Variants in FOCAD observed in about 807,000 individuals in gnomAD.
FOCAD encodes the protein KIAA1797.
FOCAD carries 198 observed loss-of-function variants against 225.6 expected under a neutral mutation model. That is an observed-to-expected ratio of 0.88 (90% CI 0.78 to 0.99). The LOEUF (loss-of-function observed/expected upper bound fraction) is 0.99, where lower values mean the gene tolerates loss of function less well. Among genes scored for constraint, FOCAD ranks in the 50% least tolerant of loss-of-function variants. The pLI is 0.00. For missense variants in FOCAD, 2,713 were observed against 2,123.6 expected, an observed-to-expected ratio of 1.28 and a Z score of -5.46; for synonymous variants, 897 against 755.0, an observed-to-expected ratio of 1.19 and a Z score of -3.08.
intron 11 of FOCAD, among the ~76,000 whole-genome samples, chr9:20,790,882 C>G (rs1414648204): frequency 6.6e-6 from 1 of 152,206 alleles, no homozygotes; most frequent in Non-Finnish European, 1.5e-5. Flanking sequence ...TGATATCTCA[C>G]AAAGAGTTTT....
chr9:20,854,484 C>T (rs1432471484), intron 15 of FOCAD, among the ~76,000 whole-genome samples: 1 of 151,698 alleles, frequency 6.6e-6, no homozygotes, highest in African/African-American at 2.4e-5. Context: ...TCACCATAGT[C>T]ACACAGCTAC....
chr9:20,659,424 G>GAA (rs1821640398), intron 2 of FOCAD, among the ~76,000 whole-genome samples: 12 of 140,354 alleles, frequency 8.5e-5, no homozygotes, highest in African/African-American at 1.9e-4. Context: ...AGAAAGAAAG[G>GAA]AGAAAGAAAG....
At chr9:20,932,961 G>T in intron 27 of FOCAD, 53 bp from the exon 28 acceptor site, 1 of 1,246,824 alleles carries the variant, frequency 8.0e-7, no homozygotes, top group Non-Finnish European at 1.2e-6. Flanking sequence ...TCAGTATTTT[G>T]GATAGTTGAC....
At chr9:20,802,486 A>C (rs1344038435) in intron 11 of FOCAD, among the ~76,000 whole-genome samples, 2 of 152,158 alleles carry the variant, frequency 1.3e-5, no homozygotes, top group Non-Finnish European at 2.9e-5. Flanking sequence ...GGAATTTCTC[A>C]AGGGAAACCA....
chr9:20,801,019 G>C (rs931409300), intron 11 of FOCAD, among the ~76,000 whole-genome samples: 3 of 152,180 alleles, frequency 2.0e-5, no homozygotes, highest in South Asian at 4.2e-4. Context: ...AGTACAGATG[G>C]GGTTTTGGTG....
At chr9:20,655,847 T>TA (rs1013450624), upstream of FOCAD, among the ~76,000 whole-genome samples, 29 of 152,184 alleles carry the variant, frequency 1.9e-4, no homozygotes, top group African/African-American at 6.7e-4. Context: ...CTTGCCTTTC[T>TA]AGTTCTTTTA....
intron 38 of FOCAD, among the ~76,000 whole-genome samples, 153 bp from the exon 39 acceptor site, chr9:20,982,204 A>G (rs1262096381): frequency 2.0e-5 from 3 of 152,228 alleles, no homozygotes; most frequent in Admixed American, 6.5e-5. Flanking sequence ...TGTCTTCAAA[A>G]TGATAAAAAT....
intron 18 of FOCAD, among the ~76,000 whole-genome samples, chr9:20,870,135 T>G (rs1022872585): frequency 6.6e-6 from 1 of 152,174 alleles, no homozygotes; most frequent in African/African-American, 2.4e-5. Context: ...TTAAAAAACA[T>G]TCACCTATTT....
intron 35 of FOCAD, among the ~76,000 whole-genome samples, chr9:20,955,387 C>G (rs544273238): frequency 6.6e-6 from 1 of 152,148 alleles, no homozygotes; most frequent in South Asian, 2.1e-4. Context: ...GACTTTAGTA[C>G]TCATGTGATA....
chr9:20,793,373 C>A (rs1587185870), intron 11 of FOCAD, among the ~76,000 whole-genome samples: 2 of 152,208 alleles, frequency 1.3e-5, no homozygotes, highest in East Asian at 1.9e-4. Context: ...GCATTTGATC[C>A]CTTTTGTGTT....
chr9:20,878,008 A>T (rs2131817849), intron 19 of FOCAD, among the ~76,000 whole-genome samples: 1 of 152,336 alleles, frequency 6.6e-6, no homozygotes, highest in South Asian at 2.1e-4. Context: ...ACAAATGCAG[A>T]TATACAAAAA....
At chr9:20,733,611 GT>G (rs1228592860) in intron 4 of FOCAD, among the ~76,000 whole-genome samples, 5 of 152,046 alleles carry the variant, frequency 3.3e-5, no homozygotes, top group Non-Finnish European at 7.3e-5. Context: ...GCGGTGTTTG[GT>G]TTTTTGTCCT....
At chr9:20,858,430 T>G (rs1435177173) in intron 15 of FOCAD, among the ~76,000 whole-genome samples, 1 of 152,134 alleles carries the variant, frequency 6.6e-6, no homozygotes, top group Non-Finnish European at 1.5e-5. Flanking sequence ...GGTATTGTAT[T>G]TTGTGAATGT....
At chr9:20,904,276 G>A (rs1000664493) in intron 21 of FOCAD, among the ~76,000 whole-genome samples, 1 of 151,860 alleles carries the variant, frequency 6.6e-6, no homozygotes, top group African/African-American at 2.4e-5. Flanking sequence ...ATATACCTAG[G>A]TGTGGAATTG....
chr9:20,698,763 C>T (rs542540153), intron 1 of FOCAD, among the ~76,000 whole-genome samples: 66 of 152,234 alleles, frequency 4.3e-4, no homozygotes, highest in Non-Finnish European at 7.9e-4. Context: ...TATTAAAACT[C>T]TTTACAAATG....
intron 29 of FOCAD, 125 bp from the exon 30 acceptor site, chr9:20,946,576 T>G: frequency 9.9e-7 from 1 of 1,007,532 alleles, no homozygotes. Flanking sequence ...GCCCAATCCA[T>G]GGTAAATGTA....
chr9:20,935,380 CT>C (rs994945191), intron 28 of FOCAD, among the ~76,000 whole-genome samples: 3 of 151,964 alleles, frequency 2.0e-5, no homozygotes, highest in East Asian at 3.9e-4. Flanking sequence ...ATGACTTAAT[CT>C]TTTTTTAAAG....
intron 11 of FOCAD, among the ~76,000 whole-genome samples, chr9:20,792,574 C>G (rs1820644554): frequency 6.6e-6 from 1 of 152,130 alleles, no homozygotes; most frequent in Non-Finnish European, 1.5e-5. Context: ...TAGAGTCATG[C>G]TTATTTGTTT....
chr9:20,866,756 T>C (rs1275639759), intron 17 of FOCAD, among the ~76,000 whole-genome samples, 173 bp from the exon 18 acceptor site: 1 of 151,848 alleles, frequency 6.6e-6, no homozygotes, highest in East Asian at 1.9e-4. Context: ...CTAGTAAATA[T>C]CCTTTTAGCT....
Sources: allele counts gnomAD v4.1 joint callset (sites outside exome capture counted in the v4.1 genomes callset), GRCh38; gene constraint gnomAD v4.1.1; transcripts MANE v1.5; gene names NCBI Gene and HGNC (gene_info 2026-07-23, HGNC 2026-07-21).